Variants in ELAVL4 observed in about 807,000 individuals in gnomAD.
The protein encoded by ELAVL4 is ELAV like RNA binding protein 4, also known as ELAV-like protein 4.
A neutral mutation model predicts 35.6 loss-of-function variants in ELAVL4; 1 was observed. That is an observed-to-expected ratio of 0.03 (90% CI 0.01 to 0.13). ELAVL4 has a LOEUF of 0.13. ELAVL4 is among the 10% of genes least tolerant of loss of function. The pLI is 1.00. For synonymous variants in ELAVL4, 156 were observed against 171.0 expected (o/e 0.91, Z 0.69); for missense variants, 267 against 464.9 (o/e 0.57, Z 3.91).
intron 1 of ELAVL4, among the ~76,000 whole-genome samples, chr1:50,087,576 A>C (rs1478978172): frequency 1.3e-5 from 2 of 152,334 alleles, no homozygotes; most frequent in African/African-American, 4.8e-5. Flanking sequence ...AATTTTCTAC[A>C]CGAAATTTGC....
intron 2 of ELAVL4, among the ~76,000 whole-genome samples, chr1:50,162,438 G>C (rs893343999): frequency 1.3e-5 from 2 of 152,164 alleles, no homozygotes; most frequent in Non-Finnish European, 2.9e-5. Context: ...CTGTAGGCCA[G>C]GCACTTTGCT....
intron 1 of ELAVL4, chr1:50,048,223 C>T: frequency 1.3e-6 from 2 of 1,491,348 alleles, no homozygotes; most frequent in Admixed American, 2.2e-5. Context: ...CCCGACTCTG[C>T]CCGCCCTCTG....
chr1:50,056,631 T>C lies in ELAVL4; in HGVS notation c.18+8449T>C, dbSNP rs1471743906. 2.6e-5 allele frequency among the ~76,000 whole-genome samples: 4 copies of C among 152,240 alleles called. No individual in the cohort carries two copies. The East Asian group carries it at 5.8e-4, about 22-fold the overall frequency. ...TTATGCATTTACTATACTATATTTT[T>C]ATCATTATTTAAGAATGTACACCGG... On this transcript the variant is annotated intron_variant, in intron 1 of 6. Transcript: ENST00000448907.
chr1:50,117,893 C>G (rs1423387714), intron 1 of ELAVL4, among the ~76,000 whole-genome samples: 1 of 152,054 alleles, frequency 6.6e-6, no homozygotes, highest in Non-Finnish European at 1.5e-5. Context: ...CTCAGTTCTT[C>G]CTCGGAATTG....
intron 1 of ELAVL4, among the ~76,000 whole-genome samples, chr1:50,072,041 A>G (rs1664554201): frequency 6.6e-6 from 1 of 152,156 alleles, no homozygotes; most frequent in African/African-American, 2.4e-5. Flanking sequence ...AAAGATTTGG[A>G]TCTCTTACTA....
At chr1:50,065,447 C>T (rs538293883) in intron 1 of ELAVL4, among the ~76,000 whole-genome samples, 1 of 152,148 alleles carries the variant, frequency 6.6e-6, no homozygotes, top group African/African-American at 2.4e-5. Flanking sequence ...AACACTGGAG[C>T]AAGTTAACTT....
At chr1:50,191,664 T>G (rs1027647068) in intron 3 of ELAVL4, among the ~76,000 whole-genome samples, 4 of 152,132 alleles carry the variant, frequency 2.6e-5, no homozygotes, top group African/African-American at 9.7e-5. Context: ...CCATGGTTCA[T>G]TGAGAACACT....
chr1:50,106,206 T>G, upstream of ELAVL4: 1 of 1,042,988 alleles, frequency 9.6e-7, no homozygotes, highest in South Asian at 1.5e-5. Flanking sequence ...AGTAGGTAGT[T>G]ATTAACGCTG....
At chr1:50,178,157 G>C (rs1400018140) in intron 3 of ELAVL4, among the ~76,000 whole-genome samples, 1 of 152,164 alleles carries the variant, frequency 6.6e-6, no homozygotes, top group Non-Finnish European at 1.5e-5. Flanking sequence ...CAATTAATGA[G>C]TCCCCATCTT....
intron 4 of ELAVL4, among the ~76,000 whole-genome samples, chr1:50,194,974 A>G (rs114739409): frequency 0.01 from 1,580 of 152,300 alleles, 28 homozygotes; most frequent in African/African-American, 0.037. Context: ...ATTTGGGGCC[A>G]GATTGCCAGA....
At chr1:50,110,508 C>G (rs984318124) in intron 1 of ELAVL4, among the ~76,000 whole-genome samples, 1 of 152,204 alleles carries the variant, frequency 6.6e-6, no homozygotes, top group East Asian at 1.9e-4. Context: ...TCATCTTTTT[C>G]TGAAAAAAGA....
At chr1:50,093,040 T>C (rs963154388) in intron 1 of ELAVL4, among the ~76,000 whole-genome samples, 3 of 152,262 alleles carry the variant, frequency 2.0e-5, no homozygotes, top group African/African-American at 7.2e-5. Context: ...ATCCCCAATG[T>C]CTGGCACATA....
chr1:50,124,818 T>C (rs1669619780), intron 1 of ELAVL4, among the ~76,000 whole-genome samples: 2 of 152,086 alleles, frequency 1.3e-5, no homozygotes, highest in African/African-American at 4.8e-5. Context: ...CTCAACATTT[T>C]CATCTGTAAA....
chr1:50,140,829 C>T (rs908061842), intron 1 of ELAVL4, among the ~76,000 whole-genome samples: 1 of 151,038 alleles, frequency 6.6e-6, no homozygotes, highest in Non-Finnish European at 1.5e-5. Flanking sequence ...AGAGCTCCAT[C>T]TACATTGGAT....
At chr1:50,063,258 G>A (rs1041015409) in intron 1 of ELAVL4, among the ~76,000 whole-genome samples, 114 of 152,084 alleles carry the variant, frequency 7.5e-4, no homozygotes, top group African/African-American at 2.6e-3. Context: ...TTGAGTAAAC[G>A]CTTCATACAT....
chr1:50,085,419 G>C (rs576067555), intron 1 of ELAVL4, among the ~76,000 whole-genome samples: 1 of 152,310 alleles, frequency 6.6e-6, no homozygotes, highest in South Asian at 2.1e-4. Context: ...TAGGAGGATG[G>C]CTTGTGGCCA....
intron 1 of ELAVL4, among the ~76,000 whole-genome samples, chr1:50,140,252 T>C (rs1672600037): frequency 6.6e-6 from 1 of 152,240 alleles, no homozygotes; most frequent in South Asian, 2.1e-4. Flanking sequence ...CTTGAGTAAC[T>C]GATATATTTA....
intron 1 of ELAVL4, among the ~76,000 whole-genome samples, chr1:50,130,919 A>C (rs934627252): frequency 2.0e-5 from 3 of 152,146 alleles, no homozygotes; most frequent in Admixed American, 6.5e-5. Context: ...CCTGTAACTA[A>C]AGAAATTTTA....
chr1:50,167,245 A>T (rs1169557677), intron 2 of ELAVL4, among the ~76,000 whole-genome samples: 1 of 152,166 alleles, frequency 6.6e-6, no homozygotes, highest in African/African-American at 2.4e-5. Flanking sequence ...CTTCAGGATG[A>T]TGGGGAACAT....
Sources: allele counts gnomAD v4.1 joint callset (sites outside exome capture counted in the v4.1 genomes callset), GRCh38; gene constraint gnomAD v4.1.1; transcripts MANE v1.5; gene names NCBI Gene and HGNC (gene_info 2026-07-23, HGNC 2026-07-21).